Variants in TENM1 observed in about 807,000 individuals in gnomAD.
TENM1 encodes teneurin transmembrane protein 1.
In TENM1, 35 loss-of-function variants were observed where a neutral mutation model predicts 174.8. The observed-to-expected ratio is 0.20, with a 90% CI of 0.15 to 0.27. TENM1 has a LOEUF of 0.27. Among genes scored for constraint, TENM1 ranks in the 10% least tolerant of loss-of-function variants. The probability of loss-of-function intolerance (pLI) is 1.00; values close to 1 mark genes in which losing one functional copy is unlikely to be tolerated. For synonymous variants in TENM1, 781 were observed against 798.7 expected (o/e 0.98, Z 0.37); for missense variants, 1,633 against 2,130.1 (o/e 0.77, Z 4.59).
chrX:124,398,133 A>C (rs1234079349), intron 27 of TENM1, among the ~76,000 whole-genome samples: 2 of 108,901 alleles, frequency 1.8e-5, no homozygotes, highest in African/African-American at 3.3e-5. Flanking sequence ...AAGGCTGAGG[A>C]AGGAGAACTG....
intron 15 of TENM1, among the ~76,000 whole-genome samples, chrX:124,532,513 GCTT>G (rs781234961): frequency 1.8e-5 from 2 of 111,106 alleles, no homozygotes; most frequent in South Asian, 7.7e-4. Flanking sequence ...TGACTCTTCT[GCTT>G]CTTAATATTC....
Position 124,893,085 on chromosome X carries a change from T to C in TENM1, c.535+1211A>G, listed in dbSNP as rs112808908. ...CTCAAACCAACTCCTCAAGGATCTA[T>C]GGAAATGCTGAAGGCAGGCCAGGCA... On this transcript the variant is annotated intron_variant, in intron 3 of 31. Coordinates refer to ENST00000422452, the Ensembl canonical transcript of TENM1. Among the ~76,000 whole-genome samples the C allele has an allele frequency of 6.2e-3, 694 of 112,320 alleles. 5 individuals carry two copies. The highest frequency in any genetic ancestry group is 0.021 in the African/African-American group (661 of 30,965).
intron 20 of TENM1, among the ~76,000 whole-genome samples, chrX:124,488,576 A>G (rs903565196): frequency 2.1e-4 from 24 of 111,848 alleles, no homozygotes; most frequent in African/African-American, 7.2e-4. Context: ...CTGATTAGAA[A>G]CCTGGCCGCA....
At chrX:124,573,256 T>C (rs187498152) in intron 11 of TENM1, among the ~76,000 whole-genome samples, 152 of 111,760 alleles carry the variant, frequency 1.4e-3, no homozygotes, top group African/African-American at 4.5e-3. Context: ...TCATATGAAA[T>C]TTAAACACAT....
the TENM1 span, among the ~76,000 whole-genome samples, chrX:125,025,583 T>C: frequency 1.3e-4 from 15 of 111,218 alleles, no homozygotes; most frequent in African/African-American, 4.9e-4. Flanking sequence ...TCCAGAGGTG[T>C]GTCCATGATA....
intron 14 of TENM1, among the ~76,000 whole-genome samples, chrX:124,551,277 A>C (rs2048560471): frequency 9.0e-6 from 1 of 111,577 alleles, no homozygotes; most frequent in African/African-American, 3.3e-5. Context: ...ATAGAAGGGA[A>C]AATACTCCAT....
At chrX:124,572,797 T>C (rs1040982698) in intron 11 of TENM1, among the ~76,000 whole-genome samples, 11 of 109,829 alleles carry the variant, frequency 1.0e-4, no homozygotes, top group African/African-American at 3.6e-4. Flanking sequence ...ATAGCACATA[T>C]AGCAAAAAAA....
the TENM1 span, among the ~76,000 whole-genome samples, chrX:125,122,899 T>A: frequency 1.3e-4 from 14 of 111,675 alleles, no homozygotes; most frequent in Admixed American, 4.8e-4. Context: ...GAAAAAAATA[T>A]CATTTGGGTT....
the TENM1 span, among the ~76,000 whole-genome samples, chrX:125,069,442 T>C: frequency 8.9e-6 from 1 of 111,898 alleles, no homozygotes; most frequent in African/African-American, 3.3e-5. Flanking sequence ...CTACGGTGAA[T>C]AGTGCTGCAA....
At chrX:125,151,400 G>A in the TENM1 span, among the ~76,000 whole-genome samples, 1,740 of 111,727 alleles carry the variant, frequency 0.016, 44 homozygotes, top group African/African-American at 0.053. Flanking sequence ...CAGATGAACT[G>A]TTTGTGGTAT....
intron 3 of TENM1, among the ~76,000 whole-genome samples, chrX:124,808,757 A>G (rs1031416796): frequency 2.7e-5 from 3 of 112,037 alleles, no homozygotes; most frequent in African/African-American, 9.7e-5. Context: ...TAAAAGGGCA[A>G]TTTAAAATTT....
chrX:124,978,538 C>G, the TENM1 span, among the ~76,000 whole-genome samples: 9 of 111,934 alleles, frequency 8.0e-5, no homozygotes, highest in South Asian at 3.4e-3. Context: ...TTTATGTAGT[C>G]ACTTGCCTGG....
In TENM1 at chrX:124,930,664, T is replaced by C. The variant is rs191179083; in HGVS notation, c.217+32873A>G. 4.7e-3 allele frequency among the ~76,000 whole-genome samples: 523 copies of C among 112,000 alleles called. 2 individuals are homozygous for C. The highest frequency in any genetic ancestry group is 0.016 in the African/African-American group (491 of 30,747). Reference sequence around the variant, plus strand: ...CTTTTGTACCTTACCATGGGACCACTGTAAGGGTCCTGCACACTGTGGGGG... The same window carrying C: ...CTTTTGTACCTTACCATGGGACCACCGTAAGGGTCCTGCACACTGTGGGGG... On this transcript the variant is annotated intron_variant, in intron 1 of 31. Coordinates refer to ENST00000422452, the Ensembl canonical transcript of TENM1.
At chrX:124,450,738 G>C (rs978467554) in intron 23 of TENM1, among the ~76,000 whole-genome samples, 1 of 111,319 alleles carries the variant, frequency 9.0e-6, no homozygotes, top group African/African-American at 3.3e-5. Context: ...GCTCAGGGAA[G>C]GGGACCCACT....
At chrX:125,069,769 A>G in the TENM1 span, among the ~76,000 whole-genome samples, 5 of 111,325 alleles carry the variant, frequency 4.5e-5, no homozygotes, top group African/African-American at 1.6e-4. Context: ...AAATAAAATA[A>G]AAATTTAAAA....
the TENM1 span, among the ~76,000 whole-genome samples, chrX:125,111,102 T>C: frequency 8.9e-6 from 1 of 112,346 alleles, no homozygotes; most frequent in Non-Finnish European, 1.9e-5. Flanking sequence ...GGACTCAACA[T>C]GATAATATAT....
chrX:124,734,545 C>T (rs1435841984), intron 4 of TENM1, among the ~76,000 whole-genome samples: 1 of 111,925 alleles, frequency 8.9e-6, no homozygotes, highest in Non-Finnish European at 1.9e-5. Flanking sequence ...TAGGTGCTGA[C>T]TGCTATATTT....
At chrX:124,881,482 G>A (rs1324758358) in intron 3 of TENM1, among the ~76,000 whole-genome samples, 1 of 109,700 alleles carries the variant, frequency 9.1e-6, no homozygotes, top group Non-Finnish European at 1.9e-5. Context: ...TTCATTTGTT[G>A]TTCCTTTGTA....
At chrX:124,548,449 A>C (rs970799436) in intron 14 of TENM1, among the ~76,000 whole-genome samples, 1 of 111,748 alleles carries the variant, frequency 8.9e-6, no homozygotes, top group Non-Finnish European at 1.9e-5. Context: ...GCTAACTCTT[A>C]TACTAGCAAA....
Sources: allele counts gnomAD v4.1 joint callset (sites outside exome capture counted in the v4.1 genomes callset), GRCh38; gene constraint gnomAD v4.1.1; transcripts MANE v1.5; gene names NCBI Gene and HGNC (gene_info 2026-07-23, HGNC 2026-07-21).